Variants in MCF2L observed in about 807,000 individuals in gnomAD.
MCF2L encodes the protein guanine nucleotide exchange factor DBS.
MCF2L carries 97 observed loss-of-function variants against 153.4 expected under a neutral mutation model. The observed-to-expected ratio is 0.63, with a 90% CI of 0.54 to 0.75. The LOEUF is 0.75. Ranked by LOEUF, MCF2L falls within the 30% of genes least tolerant of loss-of-function variation. MCF2L has a pLI of 0.00. For missense variants in MCF2L, 1,347 were observed against 1,495.2 expected, an observed-to-expected ratio of 0.90 and a Z score of 1.64; for synonymous variants, 659 against 632.2, an observed-to-expected ratio of 1.04 and a Z score of -0.64.
At chr13:113,065,480 G>A (rs1249089045) in intron 7 of MCF2L, among the ~76,000 whole-genome samples, 1 of 152,258 alleles carries the variant, frequency 6.6e-6, no homozygotes, top group Admixed American at 6.5e-5. Flanking sequence ...GAGACAGGAT[G>A]TCTGTGCCGG....
At chr13:112,918,178 A>G (rs944370622) in intron 2 of MCF2L, among the ~76,000 whole-genome samples, 9 of 152,236 alleles carry the variant, frequency 5.9e-5, no homozygotes, top group Non-Finnish European at 1.3e-4. Flanking sequence ...GTGTCCGGGA[A>G]GGCATCTGCG....
chr13:113,089,170 C>T, intron 25 of MCF2L, among the ~76,000 whole-genome samples: 1 of 18,054 alleles, frequency 5.5e-5, no homozygotes, highest in Non-Finnish European at 1.3e-4. Flanking sequence ...CACTCCCCCG[C>T]CCCCCCCCCC....
chr13:112,900,265 G>A (rs1401712164), intron 1 of MCF2L, among the ~76,000 whole-genome samples: 2 of 152,178 alleles, frequency 1.3e-5, no homozygotes, highest in Non-Finnish European at 2.9e-5. Context: ...CCTGCGCCAG[G>A]TTGTCCTCAG....
chr13:112,970,051 G>T (rs2081986431), intron 1 of MCF2L, among the ~76,000 whole-genome samples: 1 of 152,130 alleles, frequency 6.6e-6, no homozygotes, highest in Non-Finnish European at 1.5e-5. Flanking sequence ...ATTCTTTTAG[G>T]TGTAAGCAGA....
At chr13:112,913,134 GTGTC>G (rs750192997) in intron 2 of MCF2L, among the ~76,000 whole-genome samples, 16 of 151,490 alleles carry the variant, frequency 1.1e-4, no homozygotes, top group African/African-American at 3.6e-4. Context: ...GTCTGATTGT[GTGTC>G]TGTGGTGTAT....
At chr13:112,986,012 G>T (rs1330092334) in intron 1 of MCF2L, among the ~76,000 whole-genome samples, 1 of 152,264 alleles carries the variant, frequency 6.6e-6, no homozygotes, top group Non-Finnish European at 1.5e-5. Context: ...TTCCCGTCCC[G>T]TGGTCAGTGA....
At chr13:112,899,122 C>T (rs554481236) in intron 1 of MCF2L, among the ~76,000 whole-genome samples, 18 of 152,374 alleles carry the variant, frequency 1.2e-4, no homozygotes, top group African/African-American at 4.3e-4. Flanking sequence ...AAACGAGGAC[C>T]GAGCAAACGA....
intron 1 of MCF2L, among the ~76,000 whole-genome samples, chr13:113,000,155 C>T (rs190045060): frequency 5.5e-4 from 83 of 152,288 alleles, no homozygotes; most frequent in East Asian, 4.3e-3. Flanking sequence ...TGCGTTCTGA[C>T]GGTAGAAGAT....
At chr13:112,992,984 C>T (rs2082951231) in intron 1 of MCF2L, among the ~76,000 whole-genome samples, 1 of 152,260 alleles carries the variant, frequency 6.6e-6, no homozygotes, top group South Asian at 2.1e-4. Flanking sequence ...GCAGCCCCGG[C>T]TCAGTCTCTG....
intron 1 of MCF2L, among the ~76,000 whole-genome samples, chr13:113,003,207 A>G (rs546083003): frequency 6.8e-4 from 103 of 151,690 alleles, no homozygotes; most frequent in Non-Finnish European, 6.2e-4. Flanking sequence ...TTGGCTGTGG[A>G]GCACTGGGGA....
intron 2 of MCF2L, among the ~76,000 whole-genome samples, chr13:113,023,982 C>G (rs1469613406): frequency 6.6e-6 from 1 of 152,198 alleles, no homozygotes; most frequent in Non-Finnish European, 1.5e-5. Context: ...GTCCTGTGGG[C>G]AAAACAGATC....
rs1216027114 is a variant in MCF2L, at chr13:112,983,368, C to T, written c.79+13910C>T. 3.3e-5 allele frequency among the ~76,000 whole-genome samples: 5 copies of T among 152,212 alleles called. No individual in the cohort carries two copies. The highest frequency in any genetic ancestry group is 5.9e-5 in the Non-Finnish European group (4 of 68,028). ...CTGGGGAGTGTGCCCAGTGGCACTG[C>T]GGAAACCCAGGCCGGACCTCACAAT... On this transcript the variant is annotated intron_variant, in intron 1 of 29. Coordinates refer to ENST00000535094, the MANE Select transcript of MCF2L (RefSeq NM_001112732.3). This position sits in a 1 kb window ranked among gnomAD's most constrained non-coding sequence, Gnocchi z 4.0.
intron 3 of MCF2L, among the ~76,000 whole-genome samples, chr13:113,033,401 G>A (rs2085912447): frequency 8.0e-6 from 1 of 124,834 alleles, no homozygotes; most frequent in East Asian, 2.5e-4. Context: ...CGTGATGTGA[G>A]TGGACCCCGT....
chr13:113,079,815 G>GGC (rs1472249646), intron 15 of MCF2L, among the ~76,000 whole-genome samples: 47,327 of 64,992 alleles, frequency 0.73, 15,235 homozygotes, highest in Middle Eastern at 0.79. Context: ...AGGAATGTCT[G>GGC]AATGGAGGAG....
At chr13:113,056,010 G>A (rs1053105702) in intron 4 of MCF2L, among the ~76,000 whole-genome samples, 6 of 152,228 alleles carry the variant, frequency 3.9e-5, no homozygotes, top group African/African-American at 1.4e-4. Context: ...CAGAGGACCT[G>A]CCAAGTGTGC....
chr13:113,064,981 C>G lies in MCF2L; in HGVS notation c.652C>G (p.Leu218Val). 6.2e-7 allele frequency: 1 copy of G among 1,613,194 alleles called. No homozygotes were observed. The highest frequency in any genetic ancestry group is 1.1e-5 in the South Asian group (1 of 91,088). ...ALMVKQTAQMLQSFGTELAET... is the reference protein window; with the variant it reads ...ALMVKQTAQMVQSFGTELAET... ...CATGGTGAAGCAGACGGCTCAGATG[C>G]TGCAGTCCTTCGGGACCGAGCTGGC... Residue 218 changes from leucine (L) to valine (V), a missense_variant, in exon 7 of 30, where the codon CTG (leucine) becomes GTG (valine). Around this residue, in one of 3 missense-constraint regions of MCF2L, gnomAD observed 820 missense variants for 921.2 expected, o/e 0.89. Transcript: ENST00000535094. The surrounding 1 kb of genome is among the most constrained non-coding windows in gnomAD (Gnocchi z 6.0).
At chr13:113,039,207 G>A (rs1415436560) in intron 3 of MCF2L, among the ~76,000 whole-genome samples, 1 of 152,164 alleles carries the variant, frequency 6.6e-6, no homozygotes, top group East Asian at 1.9e-4. Context: ...GCACAGAGGG[G>A]GATGGACGTC....
rs1234332006 is a variant in MCF2L at position 112,907,250 on chromosome 13, T to C, written c.169+4879T>C. On this transcript the variant is annotated intron_variant, in intron 2 of 29. Coordinates refer to the MCF2L transcript ENST00000375608. This position sits in a 1 kb window ranked among gnomAD's most constrained non-coding sequence, Gnocchi z 5.1. The stretch of plus-strand genomic sequence containing the variant: ...GTGATGGGGCTGCAGCATTCAGATA[T>C]GAGTCTCACAGAGGGGTTTGCAGAA... Among the ~76,000 whole-genome samples the C allele has an allele frequency of 1.3e-5, 2 of 152,132 alleles. No homozygotes were observed. Among genetic ancestry groups the C allele is most frequent in the Non-Finnish European group, 2.9e-5 (2 of 68,016 alleles).
intron 3 of MCF2L, among the ~76,000 whole-genome samples, chr13:113,037,432 G>T (rs868782891): frequency 2.2e-4 from 34 of 152,276 alleles, no homozygotes; most frequent in Middle Eastern, 3.4e-3. Flanking sequence ...AGAGCATGGG[G>T]TCGGAGACTC....
Sources: allele counts gnomAD v4.1 joint callset (sites outside exome capture counted in the v4.1 genomes callset), GRCh38; gene constraint gnomAD v4.1.1; regional missense constraint gnomAD v4.1.1; non-coding constraint Gnocchi (gnomAD v3.1); transcripts MANE v1.5; gene names NCBI Gene and HGNC (gene_info 2026-07-23, HGNC 2026-07-21).